DIP2C: variants seen among roughly 807,000 people sequenced by gnomAD.
The protein encoded by DIP2C is DIP2 acetate--CoA ligase C (putative), also known as disco-interacting protein 2 homolog C.
DIP2C carries 33 observed loss-of-function variants against 192.4 expected under a neutral mutation model. The ratio of observed to expected loss-of-function variants is 0.17; its 90% CI spans 0.13 to 0.23. The LOEUF (loss-of-function observed/expected upper bound fraction) is 0.23, where lower values mean the gene tolerates loss of function less well. Among genes scored for constraint, DIP2C ranks in the 10% least tolerant of loss-of-function variants. The pLI, the probability that DIP2C is intolerant of heterozygous loss-of-function variation, is 1.00. For missense variants in DIP2C, 1,537 were observed against 2,110.1 expected, an observed-to-expected ratio of 0.73 and a Z score of 5.32; for synonymous variants, 979 against 864.1, an observed-to-expected ratio of 1.13 and a Z score of -2.33.
At chr10:498,561 G>A (rs1420267777) in intron 1 of DIP2C, among the ~76,000 whole-genome samples, 1 of 152,198 alleles carries the variant, frequency 6.6e-6, no homozygotes, top group Non-Finnish European at 1.5e-5. Context: ...CTCTCTTAGG[G>A]GGCTCGTCAG....
chr10:594,457 C>G (rs967523846), intron 1 of DIP2C, among the ~76,000 whole-genome samples: 1 of 150,822 alleles, frequency 6.6e-6, no homozygotes, highest in Non-Finnish European at 1.5e-5. Context: ...GGAACATGGC[C>G]GAGTACAAAC....
chr10:325,422 C>G (rs1442386130), intron 31 of DIP2C, among the ~76,000 whole-genome samples: 2 of 152,214 alleles, frequency 1.3e-5, no homozygotes, highest in African/African-American at 4.8e-5. Flanking sequence ...CGACGGGTTA[C>G]TCTCTGCTCT....
rs1225065481 is a variant in DIP2C, at chr10:597,007, TTC to T, written c.85+92485_85+92486del. Among the ~76,000 whole-genome samples the T allele has an allele frequency of 2.6e-5, 4 of 152,338 alleles. No individual in the cohort carries two copies. The South Asian group carries it at 6.2e-4, about 24-fold the overall frequency. ...GCCCAGGTGGCTGGTTCTGCATTAT[TTC>T]TGTGTGAGATGTGTGTTTGCCTCTG... is the stretch of plus-strand genomic sequence containing the variant. On this transcript the variant is annotated intron_variant, in intron 1 of 36. Transcript: ENST00000280886.
intron 1 of DIP2C, among the ~76,000 whole-genome samples, chr10:658,329 G>A (rs1332043550): frequency 6.7e-6 from 1 of 150,174 alleles, no homozygotes; most frequent in Admixed American, 6.6e-5. Flanking sequence ...TGCTGGACCT[G>A]ACACTGGACC....
At chr10:420,627 A>G (rs912416093) in intron 5 of DIP2C, among the ~76,000 whole-genome samples, 1 of 152,240 alleles carries the variant, frequency 6.6e-6, no homozygotes, top group African/African-American at 2.4e-5. Flanking sequence ...GTGGAAAAAG[A>G]AAACTAGAAT....
At chr10:317,147 G>A (rs1291179561) in intron 31 of DIP2C, among the ~76,000 whole-genome samples, 1 of 152,224 alleles carries the variant, frequency 6.6e-6, no homozygotes, top group Non-Finnish European at 1.5e-5. Context: ...GGATGGATCT[G>A]TATGTTGTCA....
chr10:614,599 C>CAA (rs1413359375), intron 1 of DIP2C, among the ~76,000 whole-genome samples: 6 of 152,370 alleles, frequency 3.9e-5, no homozygotes, highest in Admixed American at 3.9e-4. Flanking sequence ...TCGGCCGACA[C>CAA]AAAGACAACA....
intron 29 of DIP2C, among the ~76,000 whole-genome samples, chr10:339,406 C>G (rs887016718): frequency 2.6e-5 from 4 of 152,132 alleles, no homozygotes; most frequent in African/African-American, 9.7e-5. Flanking sequence ...AGATGCTTGT[C>G]AAATTTCATC....
chr10:392,406 C>T (rs187764600), intron 10 of DIP2C, among the ~76,000 whole-genome samples: 2 of 152,140 alleles, frequency 1.3e-5, no homozygotes, highest in African/African-American at 2.4e-5. Flanking sequence ...AGTGTCCGCC[C>T]GTGATTTAAT....
chr10:595,783 A>C (rs531419287), intron 1 of DIP2C, among the ~76,000 whole-genome samples: 1 of 152,314 alleles, frequency 6.6e-6, no homozygotes, highest in East Asian at 1.9e-4. Context: ...GTTGGGAAAA[A>C]AAATTAACGT....
chr10:439,062 T>C (rs1357110307), intron 4 of DIP2C, among the ~76,000 whole-genome samples: 2 of 152,186 alleles, frequency 1.3e-5, no homozygotes, highest in East Asian at 3.9e-4. Flanking sequence ...TCCGGGCTGG[T>C]CTTGAACTCT....
intron 4 of DIP2C, among the ~76,000 whole-genome samples, chr10:438,856 G>C (rs113107303): frequency 0.016 from 2,483 of 151,720 alleles, 75 homozygotes; most frequent in African/African-American, 0.057. Flanking sequence ...GGGTCTTGCT[G>C]TGTTTCCCAG....
At chr10:487,869 C>T (rs1201983597) in intron 1 of DIP2C, among the ~76,000 whole-genome samples, 1 of 152,204 alleles carries the variant, frequency 6.6e-6, no homozygotes, top group Non-Finnish European at 1.5e-5. Context: ...AGCCACCGTG[C>T]CCAGCCGATG....
At chr10:360,742 C>G (rs754395868) in intron 22 of DIP2C, among the ~76,000 whole-genome samples, 1 of 152,182 alleles carries the variant, frequency 6.6e-6, no homozygotes, top group African/African-American at 2.4e-5. Flanking sequence ...TCTCTTAATA[C>G]TTTTGTGCTC....
intron 29 of DIP2C, 80 bp from the exon 30 acceptor site, chr10:329,681 C>A (rs1450432525): frequency 1.0e-5 from 15 of 1,502,744 alleles, no homozygotes; most frequent in Non-Finnish European, 1.3e-5. Context: ...CAGGGCAGCA[C>A]TGACTCCAAG....
At chr10:375,313 A>G (rs1004973138) in intron 17 of DIP2C, among the ~76,000 whole-genome samples, 3 of 152,158 alleles carry the variant, frequency 2.0e-5, no homozygotes, top group African/African-American at 7.2e-5. Context: ...TGTGACATGC[A>G]GGCTCCCACT....
intron 3 of DIP2C, among the ~76,000 whole-genome samples, chr10:467,539 TAAA>T (rs1564748048): frequency 1.4e-4 from 1 of 7,356 alleles, no homozygotes; most frequent in Non-Finnish European, 2.5e-3. Flanking sequence ...AAAAAAAAAA[TAAA>T]TAAAATAAAA....
At chr10:591,103 A>C (rs1851377535) in intron 1 of DIP2C, among the ~76,000 whole-genome samples, 2 of 150,142 alleles carry the variant, frequency 1.3e-5, no homozygotes, top group South Asian at 4.2e-4. Flanking sequence ...GATAACAGTC[A>C]GGTTTCCATT....
At chr10:623,989 G>C (rs1854039772) in intron 1 of DIP2C, among the ~76,000 whole-genome samples, 1 of 152,204 alleles carries the variant, frequency 6.6e-6, no homozygotes, top group African/African-American at 2.4e-5. Context: ...AATATATTTA[G>C]AGACAAGAGG....
Sources: gnomAD v4.1 joint callset for allele counts (sites outside exome capture counted in the v4.1 genomes callset) on GRCh38, gnomAD v4.1.1 for gene constraint, MANE v1.5 for transcripts, NCBI Gene and HGNC (gene_info 2026-07-23, HGNC 2026-07-21) for gene names.